Variants in PSMD6 observed in about 807,000 individuals in gnomAD.
PSMD6 encodes the protein 26S proteasome non-ATPase regulatory subunit 6.
A neutral mutation model predicts 44.9 loss-of-function variants in PSMD6; 7 were observed. The ratio of observed to expected loss-of-function variants is 0.16; its 90% confidence interval spans 0.09 to 0.29. The LOEUF is 0.29. Ranked by LOEUF, PSMD6 falls within the 10% of genes least tolerant of loss-of-function variation. The pLI is 1.00. For synonymous variants in PSMD6, 184 were observed against 172.7 expected (o/e 1.07, Z -0.51); for missense variants, 420 against 482.6 (o/e 0.87, Z 1.21).
At chr3:64,012,199 T>TTCGAAATTTAAAAAATAC (rs1263388507) in intron 6 of PSMD6, 2 of 152,124 alleles carry the variant, frequency 1.3e-5, no homozygotes, top group African/African-American at 4.8e-5. Context: ...TTTATGGATG[T>TTCGAAATTTAAAAAATAC]TCGAAATTTA....
intron 5 of PSMD6, chr3:64,013,824 T>G: frequency 2.6e-6 from 1 of 388,924 alleles, no homozygotes; most frequent in South Asian, 7.7e-5. Flanking sequence ...AGGTGGCTAT[T>G]TGACATCACT....
rs759788983 is a variant in PSMD6 at position 64,010,651 on chromosome 3, T to C, written c.*17A>G. 9 of 1,532,498 alleles carry C rather than the reference T, an allele frequency of 5.9e-6. No homozygotes were observed. Among genetic ancestry groups the C allele is most frequent in the South Asian group, 1.2e-5 (1 of 85,950 alleles). 94.9% of individuals were successfully genotyped at this position (1,532,498 alleles called of 1,614,324 possible). ...AATAATTATCTCTAAAGCAAATCCT[T>C]TGTTAGTTACATGGCTTTACATATT... On this transcript the variant is annotated 3_prime_UTR_variant, in exon 8 of 8. Coordinates refer to ENST00000295901, the MANE Select transcript of PSMD6 (RefSeq NM_014814.3).
rs371530407 is a variant in PSMD6 at position 64,018,951 on chromosome 3, T to A, written c.584A>T (p.Lys195Ile). ...GLYCVAIRDF[K>I]QAAELFLDTV... Reference sequence around the variant, plus strand: ...GTCAAGGAAGAGTTCAGCTGCCTGTTTGAAATCACGAATAGCCACACAATA... The same window carrying A: ...GTCAAGGAAGAGTTCAGCTGCCTGTATGAAATCACGAATAGCCACACAATA... Residue 195 changes from lysine (K) to isoleucine (I), a missense_variant, in exon 4 of 8, where the codon AAA (lysine) becomes ATA (isoleucine). By Grantham distance (102) the Lys-to-Ile change is moderately radical (BLOSUM62 -3). Coordinates refer to ENST00000295901, the MANE Select transcript of PSMD6 (RefSeq NM_014814.3). The A allele has an allele frequency of 1.2e-6, 2 of 1,611,646 alleles. No homozygotes were observed. Among genetic ancestry groups the A allele is most frequent in the Non-Finnish European group, 1.7e-6 (2 of 1,177,766 alleles).
intron 7 of PSMD6, 42 bp from the exon 8 acceptor site, chr3:64,010,806 CATTATTCCATGACA>C: frequency 6.3e-7 from 1 of 1,576,524 alleles, no homozygotes; most frequent in Non-Finnish European, 8.7e-7. Flanking sequence ...TTACCAGTCA[CATTATTCCATGACA>C]ATAGTTGACC....
upstream of PSMD6, chr3:64,023,713 T>G: frequency 6.7e-7 from 1 of 1,486,038 alleles, no homozygotes; most frequent in East Asian, 2.5e-5. Context: ...TCACTCCCTT[T>G]TTAGCTATTT....
chr3:64,022,769 C>G, intron 1 of PSMD6: 2 of 1,536,190 alleles, frequency 1.3e-6, no homozygotes, highest in Non-Finnish European at 8.7e-7. Flanking sequence ...GGGCAATCCT[C>G]GGTTTGCTCT....
intron 3 of PSMD6, 22 bp downstream of exon 3, chr3:64,019,274 T>C: frequency 6.4e-7 from 1 of 1,550,878 alleles, no homozygotes; most frequent in South Asian, 1.1e-5. Context: ...AGAGAAAATA[T>C]AATCCCACCC....
intron 3 of PSMD6, 107 bp downstream of exon 3, chr3:64,019,189 T>C: frequency 3.5e-6 from 5 of 1,428,564 alleles, no homozygotes; most frequent in Non-Finnish European, 4.8e-6. Context: ...ACATCAATTA[T>C]TTGACCAAAC....
chr3:64,016,927 TAAATA>T (rs1456530933), intron 5 of PSMD6: 1 of 152,134 alleles, frequency 6.6e-6, no homozygotes, highest in African/African-American at 2.4e-5. Context: ...AATGAATGGA[TAAATA>T]AAATGTAGTA....
At position 64,019,348 on chromosome 3, in the gene PSMD6, A is replaced by C. The variant is rs1266255040; in HGVS notation, c.445T>G (p.Leu149Val). The change falls in exon 3 of 8, where the codon TTA becomes GTA. Residue 149 changes from leucine (L) to valine (V), a missense_variant. Physicochemically the swap from Leu to Val is conservative, Grantham distance 32. Coordinates refer to ENST00000295901, the MANE Select transcript of PSMD6 (RefSeq NM_014814.3). ...DIVFYLLRIG[L>V]FYMDNDLITR... ...ATGAGATCATTATCCATATAAAATA[A>C]GCCAATCCTAAGGAGATAGAATACA... is the stretch of plus-strand genomic sequence containing the variant. The C allele has an allele frequency of 6.3e-7, 1 of 1,598,358 alleles. No homozygotes were observed. The highest frequency in any genetic ancestry group is 1.7e-5 in the Admixed American group (1 of 60,002).
chr3:64,022,848 T>A (rs1483122547), intron 1 of PSMD6: 1 of 1,531,576 alleles, frequency 6.5e-7, no homozygotes, highest in Non-Finnish European at 8.7e-7. Flanking sequence ...CACATACATA[T>A]GTTCAAACAT....
chr3:64,020,102 T>A (rs1301003223), intron 2 of PSMD6, among the ~76,000 whole-genome samples: 1 of 152,166 alleles, frequency 6.6e-6, no homozygotes, highest in African/African-American at 2.4e-5. Flanking sequence ...TAATTCTACG[T>A]TTATTAGAGT....
intron 6 of PSMD6, 115 bp downstream of exon 6, chr3:64,013,323 TC>T: frequency 1.8e-6 from 2 of 1,086,820 alleles, no homozygotes; most frequent in Non-Finnish European, 2.6e-6. Flanking sequence ...AAAAAACCTC[TC>T]CCCTCCCCGT....
chr3:64,013,626 C>A lies in PSMD6; in HGVS notation c.827-19G>T, dbSNP rs766886609. ...ACAACCGCTGCAATGAATAAAATGA[C>A]AAATTATAATAGACTCTCCGTTTCA... On this transcript the variant is annotated intron_variant, in intron 5 of 7. Transcript: ENST00000295901. 6.3e-7 allele frequency: 1 copy of A among 1,593,490 alleles called. No individual in the cohort carries two copies. Among genetic ancestry groups the A allele is most frequent in the East Asian group, 2.2e-5 (1 of 44,506 alleles).
intron 5 of PSMD6, chr3:64,014,447 A>T (rs2106850782): frequency 6.6e-6 from 1 of 152,260 alleles, no homozygotes; most frequent in African/African-American, 2.4e-5. Flanking sequence ...CCTCCACTGG[A>T]TTGGGGTGGA....
rs1038475546 is a variant in PSMD6 at position 64,013,372 on chromosome 3, G to A, written c.995+67C>T. On this transcript the variant is annotated intron_variant, in intron 6 of 7. Transcript: ENST00000295901. Reference sequence around the variant, plus strand: ...AACCAATGTAAACAAGTAAAAAATTGTACAAGTTCACATATTTTAAAAGGC... The same window carrying A: ...AACCAATGTAAACAAGTAAAAAATTATACAAGTTCACATATTTTAAAAGGC... 2.9e-6 allele frequency: 4 copies of A among 1,403,426 alleles called. No homozygotes were observed. The African/African-American group carries it at 5.9e-5, about 21-fold the overall frequency. 86.9% of individuals were successfully genotyped at this position (1,403,426 alleles called of 1,614,324 possible).
chr3:64,022,663 T>A (rs1474110181), intron 1 of PSMD6, 140 bp from the exon 2 acceptor site: 7 of 1,543,148 alleles, frequency 4.5e-6, no homozygotes, highest in Non-Finnish European at 6.1e-6. Flanking sequence ...GCGATGGCGC[T>A]TAATAATCGG....
In PSMD6 at chr3:64,023,434, C is replaced by G; in HGVS notation, c.-15G>C. 6.3e-7 allele frequency: 1 copy of G among 1,586,092 alleles called. No homozygotes were observed. The highest frequency in any genetic ancestry group is 8.6e-7 in the Non-Finnish European group (1 of 1,162,292). On this transcript the variant is annotated 5_prime_UTR_variant, in exon 1 of 8. Transcript: ENST00000295901. ...TCCAGCGGCATCGCGGCGAAGGGGA[C>G]AGCGGCTGACAGGACACAACTTGGT...
intron 2 of PSMD6, 107 bp downstream of exon 2, chr3:64,022,211 A>G: frequency 8.0e-7 from 1 of 1,249,958 alleles, no homozygotes; most frequent in Non-Finnish European, 1.1e-6. Flanking sequence ...TTACCTTTAT[A>G]CTTTTTCTAA....
Sources: allele counts gnomAD v4.1 joint callset (sites outside exome capture counted in the v4.1 genomes callset), GRCh38; gene constraint gnomAD v4.1.1; transcripts MANE v1.5; gene names NCBI Gene and HGNC (gene_info 2026-07-23, HGNC 2026-07-21).